Variants in ACTR3C observed in about 807,000 individuals in gnomAD.
The protein encoded by ACTR3C is actin-related protein 3C.
ACTR3C carries 18 observed loss-of-function variants against 26.3 expected under a neutral mutation model. The observed-to-expected ratio is 0.68, with a 90% CI of 0.47 to 1.01. ACTR3C has a LOEUF of 1.01. ACTR3C is among the 50% of genes least tolerant of loss of function. The probability of loss-of-function intolerance (pLI) is 0.00; values close to 1 mark genes in which losing one functional copy is unlikely to be tolerated. For synonymous variants in ACTR3C, 55 were observed against 94.5 expected, an observed-to-expected ratio of 0.58 and a Z score of 2.42; for missense variants, 184 against 250.7, an observed-to-expected ratio of 0.73 and a Z score of 1.80.
the ACTR3C span, among the ~76,000 whole-genome samples, chr7:150,227,688 G>GTGTTTTTTTTTTTTTTTTTT: frequency 1.9e-4 from 21 of 111,370 alleles, no homozygotes; most frequent in East Asian, 1.1e-3. Flanking sequence ...TTGTGTCTGG[G>GTGTTTTTTTTTTTTTTTTTT]TTTTTTTTTT....
the ACTR3C span, among the ~76,000 whole-genome samples, chr7:150,181,983 A>G: frequency 5.9e-3 from 894 of 150,572 alleles, 31 homozygotes; most frequent in South Asian, 0.051. Context: ...ATAACATGCT[A>G]ATTACACTAG....
chr7:150,151,485 TA>T, the ACTR3C span, among the ~76,000 whole-genome samples: 2 of 137,530 alleles, frequency 1.5e-5, no homozygotes, highest in East Asian at 5.5e-4. Flanking sequence ...GAAACACAGA[TA>T]ACTCACAATA....
At chr7:150,034,563 T>A in the ACTR3C span, among the ~76,000 whole-genome samples, 3 of 151,584 alleles carry the variant, frequency 2.0e-5, no homozygotes, top group Admixed American at 1.3e-4. Context: ...TCCTAAGAAT[T>A]CTCTCACCTG....
chr7:150,006,050 G>A, the ACTR3C span, among the ~76,000 whole-genome samples: 1 of 152,134 alleles, frequency 6.6e-6, no homozygotes, highest in South Asian at 2.1e-4. Flanking sequence ...TTTCTAAGCA[G>A]GGGAGGTGGA....
chr7:150,157,719 G>A, the ACTR3C span, among the ~76,000 whole-genome samples: 1 of 152,196 alleles, frequency 6.6e-6, no homozygotes, highest in South Asian at 2.1e-4. Context: ...AGTAGAATGG[G>A]GAGGAATTAC....
the ACTR3C span, among the ~76,000 whole-genome samples, chr7:149,987,223 A>G: frequency 6.6e-6 from 1 of 152,342 alleles, no homozygotes; most frequent in East Asian, 1.9e-4. Context: ...CATCAATAAA[A>G]TCTTTGTGAG....
At chr7:150,261,798 A>C (rs1833658217) in intron 6 of ACTR3C, among the ~76,000 whole-genome samples, 1 of 152,252 alleles carries the variant, frequency 6.6e-6, no homozygotes, top group Admixed American at 6.5e-5. Context: ...CCCTAATGTC[A>C]TATACTGAAG....
At chr7:150,163,364 G>GTA in the ACTR3C span, among the ~76,000 whole-genome samples, 29 of 149,244 alleles carry the variant, frequency 1.9e-4, no homozygotes, top group East Asian at 1.0e-3. Flanking sequence ...GTGTGTGTGT[G>GTA]TATATATATA....
At chr7:150,286,296 C>T in intron 5 of ACTR3C, 71 bp downstream of exon 5, 3 of 1,534,410 alleles carry the variant, frequency 2.0e-6, no homozygotes, top group Non-Finnish European at 2.6e-6. Flanking sequence ...CTGGGAACTG[C>T]TCTTTCTACA....
At chr7:150,130,908 T>C in the ACTR3C span, among the ~76,000 whole-genome samples, 2 of 152,210 alleles carry the variant, frequency 1.3e-5, no homozygotes, top group African/African-American at 4.8e-5. Flanking sequence ...TGATTCCATT[T>C]ATATGAATTC....
chr7:150,173,584 T>C, the ACTR3C span, among the ~76,000 whole-genome samples: 29 of 149,028 alleles, frequency 1.9e-4, no homozygotes, highest in East Asian at 4.9e-3. Context: ...CTGGAGACAT[T>C]TTCCCCATTG....
At chr7:150,162,630 G>C in the ACTR3C span, among the ~76,000 whole-genome samples, 8 of 152,152 alleles carry the variant, frequency 5.3e-5, no homozygotes, top group East Asian at 1.6e-3. Flanking sequence ...TTTTTAAATG[G>C]CAAAAACCTC....
the ACTR3C span, among the ~76,000 whole-genome samples, chr7:150,089,852 C>T: frequency 1.1e-4 from 17 of 152,342 alleles, no homozygotes; most frequent in South Asian, 3.3e-3. Flanking sequence ...GCATGAAAGC[C>T]TGTTCTTAGC....
At chr7:150,052,242 C>G in the ACTR3C span, among the ~76,000 whole-genome samples, 1 of 151,286 alleles carries the variant, frequency 6.6e-6, no homozygotes, top group Non-Finnish European at 1.5e-5. Flanking sequence ...TTCTCACTCT[C>G]TATCTCTCAA....
At chr7:149,926,527 T>G in the ACTR3C span, among the ~76,000 whole-genome samples, 90 of 152,364 alleles carry the variant, frequency 5.9e-4, no homozygotes, top group African/African-American at 2.1e-3. Context: ...AGTGAAAACC[T>G]TGGGCCCTGA....
At chr7:150,042,198 T>A in the ACTR3C span, among the ~76,000 whole-genome samples, 3 of 13,788 alleles carry the variant, frequency 2.2e-4, 1 homozygote, top group African/African-American at 4.6e-4. Context: ...TCCCCCCCCC[T>A]GCGATGAGGG....
the ACTR3C span, among the ~76,000 whole-genome samples, chr7:149,964,637 T>C: frequency 5.9e-5 from 9 of 152,180 alleles, no homozygotes; most frequent in African/African-American, 2.2e-4. Flanking sequence ...ATAACTCTAG[T>C]CAGTTACTTG....
chr7:149,885,530 A>C, the ACTR3C span, among the ~76,000 whole-genome samples: 2 of 152,184 alleles, frequency 1.3e-5, no homozygotes, highest in East Asian at 1.9e-4. Flanking sequence ...CTTCCTGAGC[A>C]GGGTGGGCGG....
chr7:150,162,129 C>T, the ACTR3C span, among the ~76,000 whole-genome samples: 1 of 152,078 alleles, frequency 6.6e-6, no homozygotes, highest in African/African-American at 2.4e-5. Flanking sequence ...ATGATTTTTG[C>T]CACATATCAA....
Sources: allele counts gnomAD v4.1 joint callset (sites outside exome capture counted in the v4.1 genomes callset), GRCh38; gene constraint gnomAD v4.1.1; transcripts MANE v1.5; gene names NCBI Gene and HGNC (gene_info 2026-07-23, HGNC 2026-07-21).